The following L3MBTL4 variants were observed in gnomAD, a reference collection of about 807,000 sequenced individuals.
The protein encoded by L3MBTL4 is lethal(3)malignant brain tumor-like protein 4.
In L3MBTL4, 70 loss-of-function variants were observed where a neutral mutation model predicts 84.5. That is an observed-to-expected ratio of 0.83 (90% CI 0.68 to 1.01). The LOEUF is 1.01. Ranked by LOEUF, L3MBTL4 falls within the 50% of genes least tolerant of loss-of-function variation. L3MBTL4 has a pLI of 0.00. For missense variants in L3MBTL4, 715 were observed against 754.8 expected, an observed-to-expected ratio of 0.95 and a Z score of 0.62; for synonymous variants, 274 against 259.8, an observed-to-expected ratio of 1.05 and a Z score of -0.52.
At chr18:6,054,385 T>C (rs1216863951) in intron 16 of L3MBTL4, among the ~76,000 whole-genome samples, 1 of 152,106 alleles carries the variant, frequency 6.6e-6, no homozygotes, top group Non-Finnish European at 1.5e-5. Context: ...GTCAGGGGTA[T>C]GAAAGTCAAT....
At chr18:6,286,917 T>C (rs1465170143) in intron 4 of L3MBTL4, among the ~76,000 whole-genome samples, 2 of 152,238 alleles carry the variant, frequency 1.3e-5, no homozygotes, top group East Asian at 1.9e-4. Flanking sequence ...TTCACAAGGG[T>C]TCTTTTCATC....
chr18:5,972,162 T>C (rs72634394), intron 16 of L3MBTL4, among the ~76,000 whole-genome samples: 4,569 of 152,246 alleles, frequency 0.03, 264 homozygotes, highest in East Asian at 0.24. Context: ...CATAAGGGCT[T>C]GTGTCTGTTT....
In L3MBTL4 at chr18:5,977,346, C is replaced by T. The variant is rs78343880; in HGVS notation, c.1445-7784G>A. On this transcript the variant is annotated intron_variant, in intron 16 of 18. Transcript: ENST00000317931. ...CCAGAGTCTTCCACTCACCTCTGCA[C>T]ATCTCTGTCTCCTTCCTTGGTTCCA... Among the ~76,000 whole-genome samples, 1,331 of 152,330 alleles carry T rather than the reference C, an allele frequency of 8.7e-3. 21 individuals are homozygous for T. The highest frequency in any genetic ancestry group is 0.031 in the African/African-American group (1,271 of 41,568).
intron 1 of L3MBTL4, among the ~76,000 whole-genome samples, chr18:6,408,978 T>G (rs2055853577): frequency 6.6e-6 from 1 of 152,146 alleles, no homozygotes; most frequent in African/African-American, 2.4e-5. Flanking sequence ...TGCCCAGCCT[T>G]GCCCAGTCTT....
intron 1 of L3MBTL4, among the ~76,000 whole-genome samples, chr18:6,351,673 T>C (rs1453839175): frequency 6.6e-6 from 1 of 151,738 alleles, no homozygotes; most frequent in African/African-American, 2.4e-5. Context: ...TGCCTCAGCC[T>C]CCCGAGTAGC....
intron 16 of L3MBTL4, among the ~76,000 whole-genome samples, chr18:5,971,573 T>C (rs1482104674): frequency 1.3e-5 from 2 of 152,234 alleles, no homozygotes; most frequent in African/African-American, 4.8e-5. Context: ...TGTCAAGTGA[T>C]GGTGATTAGA....
chr18:6,189,207 C>T (rs577303146), intron 12 of L3MBTL4, among the ~76,000 whole-genome samples: 4 of 152,184 alleles, frequency 2.6e-5, no homozygotes, highest in Non-Finnish European at 5.9e-5. Flanking sequence ...TGTGCCTTTT[C>T]CTCTTTTGTC....
At chr18:5,990,181 G>A (rs190610199) in intron 16 of L3MBTL4, among the ~76,000 whole-genome samples, 16 of 152,298 alleles carry the variant, frequency 1.1e-4, no homozygotes, top group African/African-American at 3.8e-4. Context: ...GTTATAAAAA[G>A]GTGATCTTGT....
In L3MBTL4 at chr18:6,124,002, C is replaced by T. The variant is rs183389479; in HGVS notation, c.1199+14192G>A. Among the ~76,000 whole-genome samples the T allele has an allele frequency of 1.7e-4, 26 of 152,252 alleles. No homozygotes were observed. In the East Asian group the frequency reaches 3.5e-3, roughly 20 times the overall value. On this transcript the variant is annotated intron_variant, in intron 14 of 18. Coordinates refer to ENST00000317931, the MANE Select transcript of L3MBTL4 (RefSeq NM_001330559.2). ...TCATACCAGGTGTAAGGAAGGCCCA[C>T]ATCAGGCTGGTAAATGGTGATGAAG...
chr18:6,361,453 T>C (rs1246027990), intron 1 of L3MBTL4, among the ~76,000 whole-genome samples: 1 of 152,106 alleles, frequency 6.6e-6, no homozygotes, highest in East Asian at 1.9e-4. Flanking sequence ...AGCCCACAGA[T>C]CCAGGGGTGG....
chr18:6,057,473 A>G (rs2145857490), intron 16 of L3MBTL4, among the ~76,000 whole-genome samples: 1 of 152,336 alleles, frequency 6.6e-6, no homozygotes, highest in Non-Finnish European at 1.5e-5. Flanking sequence ...TCATCAAAAT[A>G]CCTATATCTA....
chr18:6,191,278 T>C (rs1423408974), intron 12 of L3MBTL4, among the ~76,000 whole-genome samples: 3 of 152,296 alleles, frequency 2.0e-5, no homozygotes, highest in Middle Eastern at 3.4e-3. Flanking sequence ...TTCTGGACTA[T>C]AGCAGTATCA....
At chr18:6,134,861 G>C (rs994352032) in intron 14 of L3MBTL4, among the ~76,000 whole-genome samples, 2 of 152,164 alleles carry the variant, frequency 1.3e-5, no homozygotes, top group Admixed American at 1.3e-4. Flanking sequence ...GGAGGACAGA[G>C]GCCCTCTTCT....
chr18:6,008,310 C>T (rs1423653997), intron 16 of L3MBTL4, among the ~76,000 whole-genome samples: 1 of 152,128 alleles, frequency 6.6e-6, no homozygotes, highest in East Asian at 1.9e-4. Context: ...TTTTGCTGTT[C>T]TAGAGGCACG....
At chr18:6,278,477 T>C (rs529229161) in intron 4 of L3MBTL4, among the ~76,000 whole-genome samples, 78 of 152,224 alleles carry the variant, frequency 5.1e-4, no homozygotes, top group Non-Finnish European at 9.8e-4. Context: ...TCTTCTAATA[T>C]ATTGCTGGAT....
At chr18:6,377,334 G>T (rs9958646) in intron 1 of L3MBTL4, among the ~76,000 whole-genome samples, 11,230 of 151,930 alleles carry the variant, frequency 0.074, 1,398 homozygotes, top group African/African-American at 0.26. Context: ...ATTATTATTT[G>T]TATTATACTT....
At chr18:5,978,034 C>G (rs149344202) in intron 16 of L3MBTL4, among the ~76,000 whole-genome samples, 1 of 152,214 alleles carries the variant, frequency 6.6e-6, no homozygotes, top group Non-Finnish European at 1.5e-5. Context: ...ACACATGGTG[C>G]GGTGTAGCAG....
chr18:6,161,762 C>T (rs1235333916), intron 13 of L3MBTL4, among the ~76,000 whole-genome samples: 2 of 152,116 alleles, frequency 1.3e-5, no homozygotes, highest in East Asian at 3.9e-4. Context: ...TGGGCTCACC[C>T]CACTGCATTC....
chr18:6,174,864 CAAAA>C (rs34787848), intron 12 of L3MBTL4, among the ~76,000 whole-genome samples: 2 of 58,326 alleles, frequency 3.4e-5, no homozygotes. Flanking sequence ...GAAACTCTGT[CAAAA>C]AAAAAAAAAA....
Sources: gnomAD v4.1 joint callset for allele counts (sites outside exome capture counted in the v4.1 genomes callset) on GRCh38, gnomAD v4.1.1 for gene constraint, MANE v1.5 for transcripts, NCBI Gene and HGNC (gene_info 2026-07-23, HGNC 2026-07-21) for gene names.